The following AFAP1L2 variants were observed in gnomAD, a reference collection of about 807,000 sequenced individuals.
AFAP1L2 encodes the protein actin filament-associated protein 1-like 2.
In AFAP1L2, 46 loss-of-function variants were observed where a neutral mutation model predicts 99.3. The ratio of observed to expected loss-of-function variants is 0.46; its 90% CI spans 0.37 to 0.59. The LOEUF is 0.59. Among genes scored for constraint, AFAP1L2 ranks in the 20% least tolerant of loss-of-function variants. The pLI, the probability that AFAP1L2 is intolerant of heterozygous loss-of-function variation, is 0.00. For missense variants in AFAP1L2, 959 were observed against 1,034.9 expected (o/e 0.93, Z 1.01); for synonymous variants, 397 against 419.1 (o/e 0.95, Z 0.64).
chr10:114,288,925 C>T, the AFAP1L2 span: 11 of 1,588,974 alleles, frequency 6.9e-6, no homozygotes, highest in Middle Eastern at 1.7e-4. Flanking sequence ...AGCCCCTCTG[C>T]TTGCTCCTGC....
rs2046259249 is a variant in AFAP1L2 at position 114,326,149 on chromosome 10, G to A, written c.316-2888C>T. On this transcript the variant is annotated intron_variant, in intron 4 of 18. Coordinates refer to ENST00000304129, the MANE Select transcript of AFAP1L2 (RefSeq NM_001001936.3). Reference sequence around the variant, plus strand: ...GGGGGCCTCCTGTCCTGTCTAGGGTGGAGCCAGGCAGTGTTTTGTGAGTGT... The same window carrying A: ...GGGGGCCTCCTGTCCTGTCTAGGGTAGAGCCAGGCAGTGTTTTGTGAGTGT... 10 of 820,384 alleles carry A rather than the reference G, an allele frequency of 1.2e-5. No individual in the cohort carries two copies. In the South Asian group the frequency reaches 1.4e-4, roughly 12 times the overall value. The allele number at this position is 820,384 out of a possible 1,614,324, so 50.8% of individuals were successfully genotyped here. A position where few individuals can be genotyped will look rare whatever the true frequency, so the allele number is the denominator to read the frequency against.
At chr10:114,365,657 A>G (rs541852830) in intron 1 of AFAP1L2, among the ~76,000 whole-genome samples, 2 of 151,608 alleles carry the variant, frequency 1.3e-5, no homozygotes, top group East Asian at 3.9e-4. Context: ...TCCAGTTACC[A>G]TGATGGATCT....
At position 114,300,514 on chromosome 10, in the gene AFAP1L2, CGGGA is replaced by C; in HGVS notation, c.1715_1718del (p.Leu572ArgfsTer15). The C allele has an allele frequency of 6.2e-7, 1 of 1,614,018 alleles. No individual in the cohort carries two copies. The highest frequency in any genetic ancestry group is 8.5e-7 in the Non-Finnish European group (1 of 1,180,008). On this transcript the variant is annotated frameshift_variant, in exon 14 of 19. Transcript: ENST00000304129. LOFTEE classifies it high-confidence loss of function. ...GGGTGGGACCTGGGCCTGAGTCTGCCGGGAGGGCCTCAGTTGCATTGTCCAGGCA... is the reference window on the plus strand; with the variant it reads ...GGGTGGGACCTGGGCCTGAGTCTGCCGGGCCTCAGTTGCATTGTCCAGGCA...
At chr10:114,296,408 CA>C in intron 18 of AFAP1L2, 1 of 312,370 alleles carries the variant, frequency 3.2e-6, no homozygotes, top group Non-Finnish European at 6.0e-6. Context: ...CAGAATTTGC[CA>C]AAAGCAAAGG....
chr10:114,303,461 C>T (rs143068186), intron 11 of AFAP1L2, among the ~76,000 whole-genome samples: 7,553 of 152,252 alleles, frequency 0.05, 256 homozygotes, highest in Middle Eastern at 0.082. Context: ...GCGCCCACCA[C>T]CACACCCAGC....
intron 5 of AFAP1L2, among the ~76,000 whole-genome samples, chr10:114,321,626 T>C (rs1400628012): frequency 1.3e-5 from 2 of 152,180 alleles, no homozygotes; most frequent in African/African-American, 4.8e-5. Context: ...TATCTGCTGA[T>C]TGATTTATGC....
At chr10:114,310,476 G>A in intron 7 of AFAP1L2, 33 bp from the exon 8 acceptor site, 3 of 1,597,710 alleles carry the variant, frequency 1.9e-6, no homozygotes, top group Non-Finnish European at 2.6e-6. Context: ...AGCAGAGGCT[G>A]AGGTCCTCTG....
chr10:114,347,902 C>A (rs1368781581), intron 1 of AFAP1L2, among the ~76,000 whole-genome samples: 1 of 152,166 alleles, frequency 6.6e-6, no homozygotes, highest in African/African-American at 2.4e-5. Flanking sequence ...TGTGTGCAAC[C>A]ATTACCACTA....
At chr10:114,344,711 T>TAAGGC (rs1476417917) in intron 1 of AFAP1L2, among the ~76,000 whole-genome samples, 1 of 152,088 alleles carries the variant, frequency 6.6e-6, no homozygotes, top group African/African-American at 2.4e-5. Context: ...ATAAGGAAAG[T>TAAGGC]AAGGCAAACT....
intron 10 of AFAP1L2, among the ~76,000 whole-genome samples, chr10:114,305,486 G>A (rs1478507606): frequency 4.1e-5 from 6 of 145,266 alleles, no homozygotes; most frequent in Non-Finnish European, 6.0e-5. Context: ...GATGCAGGAG[G>A]GGACGGGGCT....
At chr10:114,312,502 C>G (rs561067747) in intron 7 of AFAP1L2, among the ~76,000 whole-genome samples, 1 of 152,194 alleles carries the variant, frequency 6.6e-6, no homozygotes, top group South Asian at 2.1e-4. Flanking sequence ...CAGGACAAGC[C>G]CCCCATTCCC....
Position 114,302,332 on chromosome 10 carries a change from T to C in AFAP1L2, c.1430+7A>G. 1 of 1,614,106 alleles carries C rather than the reference T, an allele frequency of 6.2e-7. No individual in the cohort carries two copies. The highest frequency in any genetic ancestry group is 8.5e-7 in the Non-Finnish European group (1 of 1,180,004). ...GAGTGTACGGAGGAAGGGTCCAAAT[T>C]ACTCACAAGAGAGAGTTTTTGGCCG... On this transcript the variant is annotated splice_region_variant and intron_variant, in intron 12 of 18. Transcript: ENST00000304129.
intron 1 of AFAP1L2, among the ~76,000 whole-genome samples, chr10:114,362,296 C>T (rs949813977): frequency 3.3e-5 from 5 of 152,192 alleles, no homozygotes; most frequent in African/African-American, 4.8e-5. Context: ...TAACCCCTAA[C>T]GCCTGTGAAT....
At chr10:114,401,098 A>G (rs1206207464) in intron 1 of AFAP1L2, among the ~76,000 whole-genome samples, 2 of 152,228 alleles carry the variant, frequency 1.3e-5, no homozygotes, top group African/African-American at 4.8e-5. Flanking sequence ...TCTGCCTCCA[A>G]TGCCCTAGAG....
At chr10:114,316,157 C>T (rs72823088) in intron 5 of AFAP1L2, among the ~76,000 whole-genome samples, 3,165 of 152,302 alleles carry the variant, frequency 0.021, 45 homozygotes, top group Middle Eastern at 0.034. Flanking sequence ...AGATGAAAGG[C>T]GTGGGGTGGG....
intron 1 of AFAP1L2, among the ~76,000 whole-genome samples, chr10:114,354,070 T>C (rs1234952533): frequency 1.3e-5 from 2 of 152,130 alleles, no homozygotes; most frequent in African/African-American, 2.4e-5. Context: ...GTGGAAAGAA[T>C]GCCATCCCGG....
At chr10:114,285,949 G>A in the AFAP1L2 span, 4 of 1,595,180 alleles carry the variant, frequency 2.5e-6, no homozygotes, top group Non-Finnish European at 3.4e-6. Flanking sequence ...CCCTGAAGCT[G>A]AGCCTGGAAT....
At chr10:114,331,749 G>C in intron 4 of AFAP1L2, 54 bp downstream of exon 4, 1 of 1,232,966 alleles carries the variant, frequency 8.1e-7, no homozygotes, top group South Asian at 2.6e-5. Context: ...GGAGACAACT[G>C]GAAGTTCAAG....
intron 1 of AFAP1L2, among the ~76,000 whole-genome samples, chr10:114,394,397 G>C (rs182053841): frequency 3.9e-5 from 6 of 152,234 alleles, no homozygotes; most frequent in Admixed American, 2.6e-4. Flanking sequence ...TTCAAGCCAC[G>C]GCTATTTGAA....
Sources: allele counts gnomAD v4.1 joint callset (sites outside exome capture counted in the v4.1 genomes callset), GRCh38; gene constraint gnomAD v4.1.1; transcripts MANE v1.5; gene names NCBI Gene and HGNC (gene_info 2026-07-23, HGNC 2026-07-21).